Variants in NDUFAF6 observed in about 807,000 individuals in gnomAD.
NDUFAF6 encodes the protein NADH:ubiquinone oxidoreductase complex assembly factor 6, also known as NADH dehydrogenase (ubiquinone) complex I, assembly factor 6.
A neutral mutation model predicts 40.8 loss-of-function variants in NDUFAF6; 45 were observed. That is an observed-to-expected ratio of 1.10 (90% CI 0.87 to 1.42). The LOEUF (loss-of-function observed/expected upper bound fraction) is 1.42. Among genes scored for constraint, NDUFAF6 ranks in the 40% most tolerant of loss-of-function variants. The probability of loss-of-function intolerance (pLI) is 0.00; values close to 1 mark genes in which losing one functional copy is unlikely to be tolerated. For synonymous variants in NDUFAF6, 185 were observed against 155.9 expected (o/e 1.19, Z -1.39); for missense variants, 435 against 418.5 (o/e 1.04, Z -0.34).
At chr8:94,970,253 CAAAAAAAA>C (rs891358442) in intron 1 of NDUFAF6, among the ~76,000 whole-genome samples, 10 of 62,938 alleles carry the variant, frequency 1.6e-4, no homozygotes, top group Non-Finnish European at 3.0e-5. Context: ...GACTCCGTCT[CAAAAAAAA>C]AAAAAAAAAA....
At chr8:95,094,400 CT>C (rs71273460) in intron 2 of NDUFAF6, among the ~76,000 whole-genome samples, 332 of 16,336 alleles carry the variant, frequency 0.02, 1 homozygote, top group African/African-American at 0.1. Flanking sequence ...TCTTTTCTTT[CT>C]TTTTTTTTTT....
upstream of NDUFAF6, among the ~76,000 whole-genome samples, chr8:95,100,150 G>T (rs753495776): frequency 6.6e-6 from 1 of 151,758 alleles, no homozygotes; most frequent in Non-Finnish European, 1.5e-5. Flanking sequence ...TCCTGCCTTA[G>T]TTCATGCTGT....
chr8:95,089,690 C>T (rs1006756471), intron 2 of NDUFAF6, among the ~76,000 whole-genome samples: 1 of 152,134 alleles, frequency 6.6e-6, no homozygotes, highest in African/African-American at 2.4e-5. Context: ...GGGTACCCCT[C>T]TTCCAAATGG....
At chr8:94,993,705 A>G (rs888266765) in intron 2 of NDUFAF6, among the ~76,000 whole-genome samples, 4 of 152,218 alleles carry the variant, frequency 2.6e-5, no homozygotes, top group Admixed American at 1.3e-4. Flanking sequence ...TCTGACTGCA[A>G]TTGCATGAGT....
chr8:94,981,787 T>C (rs1284555377), intron 2 of NDUFAF6, among the ~76,000 whole-genome samples: 6 of 152,190 alleles, frequency 3.9e-5, no homozygotes, highest in African/African-American at 1.2e-4. Context: ...AACCACTATT[T>C]GATTGGCAGA....
chr8:95,021,395 G>A (rs1827687103), upstream of NDUFAF6, among the ~76,000 whole-genome samples: 1 of 152,238 alleles, frequency 6.6e-6, no homozygotes, highest in Admixed American at 6.5e-5. Context: ...AGCACCAGGT[G>A]TGACCTTCAG....
chr8:95,040,770 C>T (rs1830057360), intron 3 of NDUFAF6: 1 of 152,212 alleles, frequency 6.6e-6, no homozygotes, highest in African/African-American at 2.4e-5. Flanking sequence ...TGACACGCTT[C>T]CGTCATTTTT....
chr8:95,022,168 T>G (rs1827717118), upstream of NDUFAF6, among the ~76,000 whole-genome samples: 1 of 151,968 alleles, frequency 6.6e-6, no homozygotes, highest in East Asian at 1.9e-4. Context: ...TTTATGAAGG[T>G]TCAATATAAT....
rs958365914 is a variant in NDUFAF6, at chr8:95,058,574, AC to A, written c.*638del. ...AGCTCTGGCTGGTCTGGAAGCTTTT[AC>A]TTTTTTGTTAATCCCACTTCCTCAC... On this transcript the variant is annotated 3_prime_UTR_variant, in exon 9 of 9. Coordinates refer to ENST00000396124, the MANE Select transcript of NDUFAF6 (RefSeq NM_152416.4). The A allele has an allele frequency of 8.3e-7, 1 of 1,205,674 alleles. No individual in the cohort carries two copies. The highest frequency in any genetic ancestry group is 1.6e-5 in the African/African-American group (1 of 63,854). The allele number at this position is 1,205,674 out of a possible 1,614,324, so 74.7% of individuals were successfully genotyped here.
At chr8:94,939,953 G>T (rs1439122384) in intron 1 of NDUFAF6, 2 of 1,614,106 alleles carry the variant, frequency 1.2e-6, no homozygotes, top group Admixed American at 1.7e-5. Context: ...AGACATGCTG[G>T]GATGTTCAAT....
intron 7 of NDUFAF6, among the ~76,000 whole-genome samples, chr8:95,049,664 C>T (rs1391387881): frequency 6.6e-6 from 1 of 152,128 alleles, no homozygotes; most frequent in Non-Finnish European, 1.5e-5. Context: ...TGCTTCTTCC[C>T]CTGTACCCCA....
At chr8:94,937,820 G>A (rs567425747) in intron 1 of NDUFAF6, among the ~76,000 whole-genome samples, 1 of 152,114 alleles carries the variant, frequency 6.6e-6, no homozygotes, top group African/African-American at 2.4e-5. Context: ...AGCCAACAAC[G>A]AATGCAGCTG....
intron 2 of NDUFAF6, among the ~76,000 whole-genome samples, chr8:95,084,590 CTT>C (rs1563860597): frequency 6.6e-6 from 1 of 152,222 alleles, no homozygotes; most frequent in African/African-American, 2.4e-5. Context: ...ATTGGCGTCA[CTT>C]TCCAATACGT....
chr8:95,117,140 C>CG (rs1376340649), downstream of NDUFAF6, among the ~76,000 whole-genome samples: 1 of 152,124 alleles, frequency 6.6e-6, no homozygotes, highest in Admixed American at 6.6e-5. Flanking sequence ...ACTGGAGTTG[C>CG]GGGGGAATTA....
At chr8:94,914,358 A>G (rs1445359821) in intron 1 of NDUFAF6, among the ~76,000 whole-genome samples, 1 of 152,112 alleles carries the variant, frequency 6.6e-6, no homozygotes, top group African/African-American at 2.4e-5. Context: ...TGGAGTAGTT[A>G]TTGACCAGCC....
chr8:94,926,373 G>A (rs1322358740), intron 1 of NDUFAF6: 1 of 150,092 alleles, frequency 6.7e-6, no homozygotes, highest in East Asian at 1.9e-4. Flanking sequence ...CCCCTATAAA[G>A]GAAATATGTT....
chr8:95,052,311 A>G (rs901142796), intron 8 of NDUFAF6, 81 bp downstream of exon 8: 5 of 1,450,332 alleles, frequency 3.4e-6, no homozygotes, highest in South Asian at 1.2e-5. Flanking sequence ...AAAGTTCCCA[A>G]TGAACTTCTT....
At chr8:95,018,563 G>C (rs1017105066) in intron 2 of NDUFAF6, among the ~76,000 whole-genome samples, 27 of 151,350 alleles carry the variant, frequency 1.8e-4, no homozygotes, top group Non-Finnish European at 1.2e-4. Context: ...TGTTTTGTGG[G>C]GACAGACAAG....
Position 94,904,320 on chromosome 8 carries a change from C to CTT in NDUFAF6, c.-936+8429_-936+8430dup, listed in dbSNP as rs57749627. Among the ~76,000 whole-genome samples, 121 of 34,128 alleles carry CTT rather than the reference C, an allele frequency of 3.5e-3. 31 individuals are homozygous for CTT. The highest frequency in any genetic ancestry group is 7.9e-3 in the African/African-American group (52 of 6,578). 22.4% of individuals were successfully genotyped at this position (34,128 alleles called of 152,430 possible). On this transcript the variant is annotated intron_variant, in intron 1 of 14. Transcript: ENST00000396113. The stretch of plus-strand genomic sequence containing the variant: ...CATCACACCTGGCTAATTTTTTTTG[C>CTT]TTTTTTTTTTTTTTTTTTTTTTTTT...
Sources: allele counts gnomAD v4.1 joint callset (sites outside exome capture counted in the v4.1 genomes callset), GRCh38; gene constraint gnomAD v4.1.1; transcripts MANE v1.5; gene names NCBI Gene and HGNC (gene_info 2026-07-23, HGNC 2026-07-21).